PTPRD: variants seen among roughly 807,000 people sequenced by gnomAD.
The protein encoded by PTPRD is receptor-type tyrosine-protein phosphatase delta.
Under a neutral mutation model 214.5 loss-of-function variants are expected in PTPRD, and 34 were observed. The ratio of observed to expected loss-of-function variants is 0.16; its 90% CI spans 0.12 to 0.21. The LOEUF is 0.21. PTPRD is among the 10% of genes least tolerant of loss of function. The pLI is 1.00. For synonymous variants in PTPRD, 1,128 were observed against 845.7 expected (o/e 1.33, Z -5.79); for missense variants, 2,545 against 2,398.7 (o/e 1.06, Z -1.27).
intron 5 of PTPRD, among the ~76,000 whole-genome samples, chr9:9,851,301 A>C (rs1038600509): frequency 3.9e-5 from 6 of 152,230 alleles, no homozygotes; most frequent in African/African-American, 1.4e-4. Context: ...TGCGAGATTC[A>C]AAGTTTAAGG....
chr9:10,318,174 T>C (rs1596978145), intron 3 of PTPRD, among the ~76,000 whole-genome samples: 1 of 152,016 alleles, frequency 6.6e-6, no homozygotes, highest in South Asian at 2.1e-4. Context: ...ATTCCTTCTG[T>C]TTACATCCAT....
chr9:10,550,066 T>A (rs1297795711), intron 2 of PTPRD, among the ~76,000 whole-genome samples: 1 of 152,132 alleles, frequency 6.6e-6, no homozygotes, highest in Non-Finnish European at 1.5e-5. Context: ...GAAATCTAAG[T>A]GCATCACAGA....
intron 9 of PTPRD, among the ~76,000 whole-genome samples, chr9:9,310,728 A>T (rs1307819340): frequency 6.6e-6 from 1 of 151,896 alleles, no homozygotes; most frequent in East Asian, 1.9e-4. Context: ...GACAAGCCTG[A>T]CCAACACGGA....
At chr9:9,664,524 A>G (rs2096678894) in intron 7 of PTPRD, among the ~76,000 whole-genome samples, 1 of 151,636 alleles carries the variant, frequency 6.6e-6, no homozygotes, top group African/African-American at 2.4e-5. Flanking sequence ...AAGAGTTTCT[A>G]ATTTAAGCAT....
At chr9:9,437,123 G>C (rs368558264) in intron 8 of PTPRD, among the ~76,000 whole-genome samples, 7 of 152,168 alleles carry the variant, frequency 4.6e-5, no homozygotes, top group African/African-American at 1.7e-4. Flanking sequence ...ACTATATTCA[G>C]TGCACATTCT....
intron 2 of PTPRD, among the ~76,000 whole-genome samples, chr9:10,573,728 T>A (rs1353752299): frequency 6.6e-6 from 1 of 152,024 alleles, no homozygotes; most frequent in African/African-American, 2.4e-5. Context: ...ATCTCAAGTA[T>A]TTTCTGGAAA....
At chr9:8,339,440 A>G (rs1231065844) in intron 42 of PTPRD, among the ~76,000 whole-genome samples, 1 of 152,074 alleles carries the variant, frequency 6.6e-6, no homozygotes, top group Admixed American at 6.6e-5. Context: ...TTGCACCACT[A>G]TGGTTTGGAA....
chr9:8,352,495 G>A (rs1210539744), intron 39 of PTPRD, among the ~76,000 whole-genome samples: 1 of 152,120 alleles, frequency 6.6e-6, no homozygotes, highest in South Asian at 2.1e-4. Flanking sequence ...TTTTGAAAGA[G>A]GAGACAACCA....
intron 13 of PTPRD, among the ~76,000 whole-genome samples, chr9:8,634,055 G>C (rs963172429): frequency 3.3e-5 from 5 of 151,752 alleles, no homozygotes; most frequent in African/African-American, 1.2e-4. Flanking sequence ...TCCAGTATTT[G>C]TTCTAGCTTA....
At chr9:9,087,278 T>C (rs901561707) in intron 10 of PTPRD, among the ~76,000 whole-genome samples, 2 of 152,200 alleles carry the variant, frequency 1.3e-5, no homozygotes, top group African/African-American at 4.8e-5. Flanking sequence ...AGTTGGTGTT[T>C]TCATAGTCAG....
At chr9:8,827,345 G>A (rs2097196560) in intron 11 of PTPRD, among the ~76,000 whole-genome samples, 1 of 152,128 alleles carries the variant, frequency 6.6e-6, no homozygotes, top group Non-Finnish European at 1.5e-5. Context: ...GGTGGCTCAT[G>A]CCTGTAATCC....
chr9:9,109,948 G>A (rs1343317238), intron 10 of PTPRD, among the ~76,000 whole-genome samples: 3 of 151,938 alleles, frequency 2.0e-5, no homozygotes, highest in Admixed American at 1.3e-4. Flanking sequence ...CAGGGACAGA[G>A]GAAAAGCAAT....
intron 5 of PTPRD, among the ~76,000 whole-genome samples, chr9:9,885,558 TG>T (rs1281694273): frequency 6.6e-6 from 1 of 151,960 alleles, no homozygotes; most frequent in Admixed American, 6.6e-5. Flanking sequence ...GATTTTGAGA[TG>T]GGGGGACTAG....
At chr9:10,506,353 T>G (rs1325229303) in intron 2 of PTPRD, among the ~76,000 whole-genome samples, 1 of 152,174 alleles carries the variant, frequency 6.6e-6, no homozygotes, top group Non-Finnish European at 1.5e-5. Flanking sequence ...AAAGTAACCT[T>G]GGTACCATAC....
Position 8,465,688 on chromosome 9 carries a change from A to G in PTPRD, c.3505-13T>C, listed in dbSNP as rs2096531305. On this transcript the variant is annotated splice_polypyrimidine_tract_variant and intron_variant, in intron 31 of 45. Transcript: ENST00000381196. ...TCTCCTTAAGCAGCTTAAGGAAAAAAGTGGGAAACAGAAAAAGAACTGTAA... is the reference window on the plus strand; with the variant it reads ...TCTCCTTAAGCAGCTTAAGGAAAAAGGTGGGAAACAGAAAAAGAACTGTAA... The G allele has an allele frequency of 4.4e-6, 7 of 1,588,258 alleles. No homozygotes were observed. In the East Asian group the frequency reaches 1.6e-4, roughly 36 times the overall value.
chr9:9,640,733 A>G (rs893114615), intron 7 of PTPRD, among the ~76,000 whole-genome samples: 3 of 152,218 alleles, frequency 2.0e-5, no homozygotes, highest in Non-Finnish European at 4.4e-5. Flanking sequence ...TGAGGCTGGG[A>G]AGTAGAGGGG....
intron 8 of PTPRD, among the ~76,000 whole-genome samples, chr9:9,564,153 A>C (rs1032795610): frequency 3.3e-5 from 5 of 152,142 alleles, no homozygotes; most frequent in African/African-American, 1.2e-4. Context: ...TATTAGAAAC[A>C]CCAGCTGAGC....
chr9:10,140,436 A>T (rs2098975984), intron 3 of PTPRD, among the ~76,000 whole-genome samples: 1 of 152,086 alleles, frequency 6.6e-6, no homozygotes, highest in Admixed American at 6.6e-5. Flanking sequence ...GATCCCACAG[A>T]AATACAAACT....
intron 3 of PTPRD, among the ~76,000 whole-genome samples, chr9:10,231,825 G>A (rs547852082): frequency 5.9e-5 from 9 of 152,004 alleles, no homozygotes; most frequent in African/African-American, 2.2e-4. Flanking sequence ...GTATTGGGAA[G>A]CAGGGCCCTG....
Sources: allele counts gnomAD v4.1 joint callset (sites outside exome capture counted in the v4.1 genomes callset), GRCh38; gene constraint gnomAD v4.1.1; transcripts MANE v1.5; gene names NCBI Gene and HGNC (gene_info 2026-07-23, HGNC 2026-07-21).